The following LONP2 variants were observed in gnomAD, a reference collection of about 807,000 sequenced individuals.
The protein encoded by LONP2 is lon protease homolog 2, peroxisomal.
LONP2 carries 60 observed loss-of-function variants against 85.6 expected under a neutral mutation model. The ratio of observed to expected loss-of-function variants is 0.70; its 90% confidence interval spans 0.57 to 0.87. LONP2 has a LOEUF of 0.87. Among genes scored for constraint, LONP2 ranks in the 40% least tolerant of loss-of-function variants. The pLI, the probability that LONP2 is intolerant of heterozygous loss-of-function variation, is 0.00. For missense variants in LONP2, 860 were observed against 1,063.5 expected, an observed-to-expected ratio of 0.81 and a Z score of 2.66; for synonymous variants, 395 against 389.7, an observed-to-expected ratio of 1.01 and a Z score of -0.16.
In LONP2 at chr16:48,352,976, A is replaced by G. The variant is rs1420820832; in HGVS notation, c.*1174A>G. ...GACTCAATTCAGGCTATGTATGACTATGAAGTCAGGCTCATCTGCTTACTG... is the reference window on the plus strand; with the variant it reads ...GACTCAATTCAGGCTATGTATGACTGTGAAGTCAGGCTCATCTGCTTACTG... On this transcript the variant is annotated 3_prime_UTR_variant, in exon 15 of 15. Coordinates refer to ENST00000285737, the MANE Select transcript of LONP2 (RefSeq NM_031490.5). 1 of 152,208 alleles carries G rather than the reference A, an allele frequency of 6.6e-6. No homozygotes were observed. Among genetic ancestry groups the G allele is most frequent in the Non-Finnish European group, 1.5e-5 (1 of 68,046 alleles). The allele number at this position is 152,208 out of a possible 1,614,324, so 9.4% of individuals were successfully genotyped here.
intron 2 of LONP2, among the ~76,000 whole-genome samples, chr16:48,255,328 T>C (rs1971736320): frequency 6.6e-6 from 1 of 152,158 alleles, no homozygotes; most frequent in African/African-American, 2.4e-5. Flanking sequence ...CTCATTGGCT[T>C]GTAATGCTTC....
intron 11 of LONP2, among the ~76,000 whole-genome samples, chr16:48,327,061 C>T (rs560357797): frequency 6.6e-6 from 1 of 152,236 alleles, no homozygotes; most frequent in East Asian, 1.9e-4. Context: ...CACCGCATTT[C>T]ACTCTCACTT....
At chr16:48,349,916 C>T (rs1412762665) in intron 14 of LONP2, among the ~76,000 whole-genome samples, 1 of 152,128 alleles carries the variant, frequency 6.6e-6, no homozygotes, top group Non-Finnish European at 1.5e-5. Context: ...GAGGATAAAG[C>T]GGCCTCAGCA....
At chr16:48,311,207 C>T (rs1282488843) in intron 11 of LONP2, among the ~76,000 whole-genome samples, 1 of 152,148 alleles carries the variant, frequency 6.6e-6, no homozygotes, top group Non-Finnish European at 1.5e-5. Flanking sequence ...CTTTGCTAGA[C>T]TAGGGAAGGT....
rs1381918227 is a variant in LONP2 at position 48,244,523 on chromosome 16, C to G, written c.135C>G (p.Arg45=). The G allele has an allele frequency of 6.3e-7, 1 of 1,585,484 alleles. No individual in the cohort carries two copies. The highest frequency in any genetic ancestry group is 1.3e-5 in the African/African-American group (1 of 74,178). ...SARNLQLVRS[R]LLKGTSLQST... ...GCAACCTGCAGCTGGTGCGGAGCCG[C>G]CTTCTGAAGGGCACGTCGCTGCAAA... The change falls in exon 1 of 15, where the codon CGC becomes CGG. Residue 45 remains arginine (R), a synonymous_variant. Transcript: ENST00000285737.
intron 8 of LONP2, 83 bp downstream of exon 8, chr16:48,277,562 C>T (rs1381732647): frequency 3.7e-6 from 5 of 1,352,622 alleles, no homozygotes; most frequent in East Asian, 2.5e-5. Context: ...GTGATATACA[C>T]AGTGGTGTAG....
chr16:48,351,912 A>G lies in LONP2; in HGVS notation c.*110A>G, dbSNP rs148765026. On this transcript the variant is annotated 3_prime_UTR_variant, in exon 15 of 15. Coordinates refer to ENST00000285737, the MANE Select transcript of LONP2 (RefSeq NM_031490.5). ...TATGCAAGATGTCCCTGTTTTATAAACATAATCACAACAGTAATAAACCTC... is the reference window on the plus strand; with the variant it reads ...TATGCAAGATGTCCCTGTTTTATAAGCATAATCACAACAGTAATAAACCTC... 7.0e-4 allele frequency: 534 copies of G among 764,322 alleles called. No individual in the cohort carries two copies. In the African/African-American group the frequency reaches 7.6e-3, roughly 11 times the overall value. The allele number at this position is 764,322 out of a possible 1,614,324, so 47.3% of individuals were successfully genotyped here.
At chr16:48,349,552 C>T (rs1451206914) in intron 14 of LONP2, among the ~76,000 whole-genome samples, 6 of 152,170 alleles carry the variant, frequency 3.9e-5, no homozygotes, top group East Asian at 3.8e-4. Context: ...ACAGCCACAG[C>T]GGCCTGGGGT....
At chr16:48,321,075 A>G (rs1401885959) in intron 11 of LONP2, among the ~76,000 whole-genome samples, 2 of 152,096 alleles carry the variant, frequency 1.3e-5, no homozygotes, top group Admixed American at 6.6e-5. Flanking sequence ...CTGGGACCAC[A>G]GGTTTTGCCA....
chr16:48,299,061 T>G (rs898568655), intron 9 of LONP2, among the ~76,000 whole-genome samples: 1 of 151,704 alleles, frequency 6.6e-6, no homozygotes, highest in Admixed American at 6.6e-5. Context: ...CAGCTAATTT[T>G]TTGTGTTTTT....
rs144902842 is a variant in LONP2 at position 48,284,070 on chromosome 16, A to T, written c.1383+6591A>T. On this transcript the variant is annotated intron_variant, in intron 8 of 14. Coordinates refer to ENST00000285737, the MANE Select transcript of LONP2 (RefSeq NM_031490.5). Reference sequence around the variant, plus strand: ...GTGGTAGAAATAGCAAGAGAACTAGAATTAGAACCCAAAGATGTGACTGAA... The same window carrying T: ...GTGGTAGAAATAGCAAGAGAACTAGTATTAGAACCCAAAGATGTGACTGAA... 1.8e-4 allele frequency among the ~76,000 whole-genome samples: 28 copies of T among 152,306 alleles called. No individual in the cohort carries two copies. The East Asian group carries it at 5.4e-3, about 29-fold the overall frequency.
chr16:48,252,067 T>G lies in LONP2; in HGVS notation c.234-64T>G. On this transcript the variant is annotated intron_variant, in intron 1 of 14. Coordinates refer to ENST00000285737, the MANE Select transcript of LONP2 (RefSeq NM_031490.5). ...ATGTATCAGAAAAGCCAACACTTTC[T>G]GAAGTGAGTTTCTGTTCTACCGTAT... 9 of 1,230,876 alleles carry G rather than the reference T, an allele frequency of 7.3e-6. No homozygotes were observed. In the South Asian group the frequency reaches 1.8e-4, roughly 25 times the overall value. The allele number at this position is 1,230,876 out of a possible 1,614,324, so 76.2% of individuals were successfully genotyped here. A position where few individuals can be genotyped will look rare whatever the true frequency, so the allele number is the denominator to read the frequency against.
At position 48,348,237 on chromosome 16, in the gene LONP2, C is replaced by T. The variant is rs758285618; in HGVS notation, c.2284C>T (p.Arg762Cys). 37 of 1,606,384 alleles carry T rather than the reference C, an allele frequency of 2.3e-5. No individual in the cohort carries two copies. Among genetic ancestry groups the T allele is most frequent in the Middle Eastern group, 1.7e-4 (1 of 6,014 alleles). Reference protein sequence around the residue: ...LASLFSGRLVRSDVAMTGEIT... With the variant: ...LASLFSGRLVCSDVAMTGEIT... ...CTCACTTTTTAGTGGGCGGCTGGTA[C>T]GTTCAGATGTAGCCATGACTGGAGA... Residue 762 changes from arginine (R) to cysteine (C), a missense_variant, in exon 14 of 15, where the codon CGT becomes TGT. Arg to Cys is a radical substitution (Grantham distance 180, BLOSUM62 -3). Coordinates refer to ENST00000285737, the MANE Select transcript of LONP2 (RefSeq NM_031490.5).
chr16:48,305,064 G>GT (rs1394279894), intron 11 of LONP2, among the ~76,000 whole-genome samples: 5 of 152,186 alleles, frequency 3.3e-5, no homozygotes, highest in African/African-American at 9.6e-5. Context: ...TCTGTGGCCA[G>GT]TACAGTGCTT....
At chr16:48,285,788 T>G (rs1972427187) in intron 8 of LONP2, among the ~76,000 whole-genome samples, 1 of 152,228 alleles carries the variant, frequency 6.6e-6, no homozygotes, top group Non-Finnish European at 1.5e-5. Flanking sequence ...TTTTTTTAAA[T>G]GTTAGTAAAT....
chr16:48,334,160 A>C, intron 11 of LONP2, 56 bp from the exon 12 acceptor site: 1 of 1,556,140 alleles, frequency 6.4e-7, no homozygotes, highest in Non-Finnish European at 8.8e-7. Flanking sequence ...ACTGCTAGTG[A>C]ATTTTCCAGC....
rs896862671 is a variant in LONP2 at position 48,347,107 on chromosome 16, T to C, written c.1939-400T>C. ...AGGCAGAGTTTTCAGTGAGCTGAAA[T>C]TGTGTCACTGTACTTCAAGCCTGGG... On this transcript the variant is annotated intron_variant, in intron 12 of 14. Coordinates refer to ENST00000285737, the MANE Select transcript of LONP2 (RefSeq NM_031490.5). Among the ~76,000 whole-genome samples the C allele has an allele frequency of 4.6e-5, 7 of 152,088 alleles. No homozygotes were observed. In the East Asian group the frequency reaches 1.4e-3, roughly 29 times the overall value.
At chr16:48,274,677 C>T (rs1972170427) in intron 7 of LONP2, among the ~76,000 whole-genome samples, 1 of 151,880 alleles carries the variant, frequency 6.6e-6, no homozygotes, top group Non-Finnish European at 1.5e-5. Flanking sequence ...CACACCCACA[C>T]CCACACATCC....
intron 6 of LONP2, among the ~76,000 whole-genome samples, chr16:48,263,151 C>T (rs934302637): frequency 6.6e-6 from 1 of 152,138 alleles, no homozygotes; most frequent in Non-Finnish European, 1.5e-5. Flanking sequence ...TTCCTCCTAC[C>T]TCTTTTGTGA....
Sources: gnomAD v4.1 joint callset for allele counts (sites outside exome capture counted in the v4.1 genomes callset) on GRCh38, gnomAD v4.1.1 for gene constraint, MANE v1.5 for transcripts, NCBI Gene and HGNC (gene_info 2026-07-23, HGNC 2026-07-21) for gene names.